Variants in HELQ observed in about 807,000 individuals in gnomAD.
HELQ encodes helicase POLQ-like.
A neutral mutation model predicts 111.6 loss-of-function variants in HELQ; 77 were observed. The observed-to-expected ratio is 0.69, with a 90% confidence interval of 0.57 to 0.83. HELQ has a LOEUF of 0.83. Ranked by LOEUF, HELQ falls within the 40% of genes least tolerant of loss-of-function variation. The pLI, the probability that HELQ is intolerant of heterozygous loss-of-function variation, is 0.00. For synonymous variants in HELQ, 438 were observed against 454.7 expected, an observed-to-expected ratio of 0.96 and a Z score of 0.47; for missense variants, 1,200 against 1,288.5, an observed-to-expected ratio of 0.93 and a Z score of 1.05.
intron 8 of HELQ, among the ~76,000 whole-genome samples, chr4:83,438,957 T>C (rs916366867): frequency 6.6e-6 from 1 of 152,198 alleles, no homozygotes. Context: ...AGCCTGGACT[T>C]TGGAATTTTT....
At position 83,432,183 on chromosome 4, in the gene HELQ, A is replaced by G. The variant is rs1384500424; in HGVS notation, c.2133T>C (p.Ala711=). Residue 711 remains alanine (A), a synonymous_variant, in exon 10 of 18, where the codon GCT becomes GCC. Coordinates refer to ENST00000295488, the MANE Select transcript of HELQ (RefSeq NM_133636.5). ...TACTCTCCCCAATAGTATCTATTCC[A>G]GCACGACCAGCTCTGCCAATCATCT... ...YKQMIGRAGR[A]GIDTIGESIL... is the part of the protein sequence containing the mutation. The G allele has an allele frequency of 1.2e-6, 2 of 1,602,950 alleles. No homozygotes were observed. The highest frequency in any genetic ancestry group is 2.3e-5 in the East Asian group (1 of 44,286).
In HELQ at chr4:83,436,860, T is replaced by C; in HGVS notation, c.2046A>G (p.Arg682=). Residue 682 remains arginine (R), a splice_region_variant and synonymous_variant, in exon 9 of 18, where the codon CGA becomes CGG. Coordinates refer to ENST00000295488, the MANE Select transcript of HELQ (RefSeq NM_133636.5). Reference sequence around the variant, plus strand: ...GTCAACACTTACTTATCTCTTACCTTCGAGCTGGTAGGTTGACACCTGCCG... The same window carrying C: ...GTCAACACTTACTTATCTCTTACCTCCGAGCTGGTAGGTTGACACCTGCCG... ...TLAAGVNLPA[R]RVILRAPYVA... is the part of the protein sequence containing the mutation. 6.2e-7 allele frequency: 1 copy of C among 1,612,500 alleles called. No individual in the cohort carries two copies. The highest frequency in any genetic ancestry group is 8.5e-7 in the Non-Finnish European group (1 of 1,179,228).
intron 9 of HELQ, among the ~76,000 whole-genome samples, chr4:83,435,300 C>T (rs546184445): frequency 4.0e-5 from 6 of 151,674 alleles, no homozygotes; most frequent in African/African-American, 1.5e-4. Context: ...TACACCATGA[C>T]AAAATTGGGA....
rs62303757 is a variant in HELQ at position 83,438,747 on chromosome 4, G to T, written c.1808+1116C>A. Among the ~76,000 whole-genome samples the T allele has an allele frequency of 1.5e-3, 83 of 55,956 alleles. No individual in the cohort carries two copies. In the African/African-American group the frequency reaches 0.018, roughly 12 times the overall value. The allele number at this position is 55,956 out of a possible 152,430, so 36.7% of individuals were successfully genotyped here. A position where few individuals can be genotyped will look rare whatever the true frequency, so the allele number is the denominator to read the frequency against. ...GGTGACAGAGTGAGACCCTGTCTCA[G>T]GAAAAAAAAAAAAAAAAAAGGAAAA... On this transcript the variant is annotated intron_variant, in intron 8 of 17. Transcript: ENST00000295488.
chr4:83,413,261 G>A (rs541510646), intron 17 of HELQ, among the ~76,000 whole-genome samples: 2 of 152,296 alleles, frequency 1.3e-5, no homozygotes, highest in African/African-American at 4.8e-5. Flanking sequence ...ACTTGAATTG[G>A]TAAGAAGTTT....
chr4:83,428,814 A>G (rs1474843637), intron 12 of HELQ, among the ~76,000 whole-genome samples: 2 of 151,766 alleles, frequency 1.3e-5, no homozygotes, highest in Admixed American at 6.6e-5. Context: ...TTAATTTATA[A>G]AAAGTTTCAG....
chr4:83,455,330 T>A, intron 1 of HELQ, 67 bp downstream of exon 1: 1 of 1,569,694 alleles, frequency 6.4e-7, no homozygotes, highest in Non-Finnish European at 8.7e-7. Flanking sequence ...GCGATAAAAC[T>A]GGTCAACTCT....
intron 6 of HELQ, among the ~76,000 whole-genome samples, chr4:83,441,736 C>T (rs1720766604): frequency 6.7e-6 from 1 of 149,858 alleles, no homozygotes; most frequent in Non-Finnish European, 1.5e-5. Flanking sequence ...ACTAAGGTAT[C>T]ATCTGTTTTA....
chr4:83,427,081 G>T (rs1719888011), intron 13 of HELQ, among the ~76,000 whole-genome samples: 1 of 152,294 alleles, frequency 6.6e-6, no homozygotes, highest in East Asian at 1.9e-4. Flanking sequence ...ATCAGAGATG[G>T]TTTTCACTGT....
intron 11 of HELQ, 43 bp downstream of exon 11, chr4:83,431,621 G>T: frequency 1.0e-6 from 1 of 961,862 alleles, no homozygotes; most frequent in Non-Finnish European, 1.6e-6. Context: ...AACCTCTATT[G>T]TCTCAGATAA....
At chr4:83,443,655 T>C (rs6535473) in intron 5 of HELQ, 41 bp from the exon 6 acceptor site, 409,109 of 841,496 alleles carry the variant, frequency 0.49, 102,725 homozygotes, top group East Asian at 0.64. Flanking sequence ...TTAAGGAAAA[T>C]ATGTTATTTA....
chr4:83,407,640 C>T (rs1345558310), intron 17 of HELQ, 80 bp from the exon 18 acceptor site: 28 of 797,128 alleles, frequency 3.5e-5, no homozygotes, highest in Non-Finnish European at 5.6e-5. Flanking sequence ...GTCCATTGAA[C>T]ACCTGAATCC....
chr4:83,450,344 C>T (rs1029927222), intron 2 of HELQ, among the ~76,000 whole-genome samples: 7 of 137,972 alleles, frequency 5.1e-5, no homozygotes, highest in African/African-American at 1.0e-4. Context: ...ACCAGGATTT[C>T]AAGATGAGCC....
In HELQ at chr4:83,441,347, T is replaced by C. The variant is rs1399149514; in HGVS notation, c.1620A>G (p.Lys540=). Residue 540 remains lysine, a synonymous_variant, in exon 7 of 18, where the codon AAA becomes AAG. Transcript: ENST00000295488. ...INDTIYEVDS[K]AENGMTFSRL... is the part of the protein sequence containing the mutation. ...GTGAAAAAGTCATGCCATTCTCAGCTTTGCTGTCAACTTCATATATTGTAT... is the reference window on the plus strand; with the variant it reads ...GTGAAAAAGTCATGCCATTCTCAGCCTTGCTGTCAACTTCATATATTGTAT... The C allele has an allele frequency of 6.3e-7, 1 of 1,596,988 alleles. No individual in the cohort carries two copies. Among genetic ancestry groups the C allele is most frequent in the Admixed American group, 1.7e-5 (1 of 58,882 alleles).
chr4:83,416,324 G>A (rs566359982), intron 17 of HELQ, among the ~76,000 whole-genome samples: 2 of 151,818 alleles, frequency 1.3e-5, no homozygotes, highest in East Asian at 1.9e-4. Flanking sequence ...GGGCTCAAGC[G>A]ATCCTCTTGC....
At chr4:83,426,606 C>A (rs1418101317) in intron 13 of HELQ, among the ~76,000 whole-genome samples, 2 of 151,810 alleles carry the variant, frequency 1.3e-5, no homozygotes. Context: ...TTCTGTCACC[C>A]AGGCTGGAGT....
chr4:83,448,193 G>C (rs1721154630), intron 3 of HELQ, among the ~76,000 whole-genome samples: 1 of 152,058 alleles, frequency 6.6e-6, no homozygotes, highest in Non-Finnish European at 1.5e-5. Flanking sequence ...CTGGGCGACA[G>C]AGGGAGACTA....
chr4:83,440,065 T>C, intron 7 of HELQ, 57 bp from the exon 8 acceptor site: 1 of 1,356,598 alleles, frequency 7.4e-7, no homozygotes, highest in Non-Finnish European at 1.0e-6. Context: ...ACCCTGTCAA[T>C]TTTTTACCAG....
chr4:83,421,441 G>A (rs1174816694), intron 15 of HELQ, 122 bp downstream of exon 15: 6 of 691,938 alleles, frequency 8.7e-6, no homozygotes, highest in Admixed American at 3.0e-5. Flanking sequence ...TTAGTGCTCT[G>A]TAATAACAGA....
Sources: allele counts gnomAD v4.1 joint callset (sites outside exome capture counted in the v4.1 genomes callset), GRCh38; gene constraint gnomAD v4.1.1; transcripts MANE v1.5; gene names NCBI Gene and HGNC (gene_info 2026-07-23, HGNC 2026-07-21).